Variants in INPP4B observed in about 807,000 individuals in gnomAD.
INPP4B encodes inositol polyphosphate-4-phosphatase type II B, also known as inositol polyphosphate 4-phosphatase type II.
A neutral mutation model predicts 122.5 loss-of-function variants in INPP4B; 55 were observed. The ratio of observed to expected loss-of-function variants is 0.45; its 90% confidence interval spans 0.36 to 0.56. The LOEUF (loss-of-function observed/expected upper bound fraction) is 0.56, where lower values mean the gene tolerates loss of function less well. Among genes scored for constraint, INPP4B ranks in the 20% least tolerant of loss-of-function variants. The probability of loss-of-function intolerance (pLI) is 0.00; values close to 1 mark genes in which losing one functional copy is unlikely to be tolerated. For missense variants in INPP4B, 1,000 were observed against 1,097.7 expected (o/e 0.91, Z 1.26); for synonymous variants, 403 against 388.7 (o/e 1.04, Z -0.43).
intron 2 of INPP4B, among the ~76,000 whole-genome samples, chr4:142,664,239 C>T (rs1174646849): frequency 6.6e-6 from 1 of 152,122 alleles, no homozygotes; most frequent in Non-Finnish European, 1.5e-5. Flanking sequence ...TAAGCCATGT[C>T]CCACACTGCC....
At chr4:142,083,604 A>G (rs1220829923) in intron 24 of INPP4B, among the ~76,000 whole-genome samples, 1 of 152,212 alleles carries the variant, frequency 6.6e-6, no homozygotes, top group Non-Finnish European at 1.5e-5. Flanking sequence ...AGAAGGTAAA[A>G]TAATATAGCT....
chr4:142,224,827 A>G (rs1424703226), intron 12 of INPP4B, among the ~76,000 whole-genome samples: 1 of 152,152 alleles, frequency 6.6e-6, no homozygotes, highest in Non-Finnish European at 1.5e-5. Flanking sequence ...AATCTAGTAT[A>G]CATACAACAT....
chr4:142,481,729 C>A (rs765396437), intron 2 of INPP4B, among the ~76,000 whole-genome samples: 33 of 152,104 alleles, frequency 2.2e-4, no homozygotes, highest in Non-Finnish European at 3.4e-4. Context: ...CTGGAGCTCA[C>A]TTTTTCAGTG....
At chr4:142,573,526 CAT>C (rs1733264603) in intron 2 of INPP4B, among the ~76,000 whole-genome samples, 1 of 152,100 alleles carries the variant, frequency 6.6e-6, no homozygotes, top group Non-Finnish European at 1.5e-5. Flanking sequence ...CTGGCTCAGA[CAT>C]AAGTGATCTC....
intron 7 of INPP4B, chr4:142,317,241 G>T: frequency 3.1e-6 from 1 of 324,664 alleles, no homozygotes; most frequent in South Asian, 3.1e-5. Flanking sequence ...TTGAAATATG[G>T]CAGATTATGT....
intron 1 of INPP4B, among the ~76,000 whole-genome samples, chr4:142,732,235 T>C (rs1766205982): frequency 1.3e-5 from 2 of 152,258 alleles, no homozygotes; most frequent in South Asian, 4.1e-4. Flanking sequence ...GAGGCAATGG[T>C]TCCAGTTTAT....
At chr4:142,360,857 G>A (rs1785151494) in intron 7 of INPP4B, among the ~76,000 whole-genome samples, 1 of 151,926 alleles carries the variant, frequency 6.6e-6, no homozygotes, top group South Asian at 2.1e-4. Context: ...ACCTACCAAA[G>A]TGACTCAAAA....
intron 23 of INPP4B, among the ~76,000 whole-genome samples, chr4:142,088,150 G>T (rs911284623): frequency 6.6e-6 from 1 of 152,178 alleles, no homozygotes; most frequent in Non-Finnish European, 1.5e-5. Flanking sequence ...ACAGGACACA[G>T]CCCAAAGATA....
At chr4:142,555,382 T>C (rs6820285) in intron 2 of INPP4B, among the ~76,000 whole-genome samples, 4,500 of 152,242 alleles carry the variant, frequency 0.03, 214 homozygotes, top group African/African-American at 0.1. Flanking sequence ...AGAGCAGCTA[T>C]AGCATTGGAG....
chr4:142,685,866 T>A (rs1182077080), intron 2 of INPP4B, among the ~76,000 whole-genome samples: 1 of 152,132 alleles, frequency 6.6e-6, no homozygotes, highest in African/African-American at 2.4e-5. Flanking sequence ...TCTATAAAAA[T>A]TATACATGGC....
chr4:142,530,073 C>G (rs1204370928), intron 2 of INPP4B, among the ~76,000 whole-genome samples: 2 of 152,056 alleles, frequency 1.3e-5, no homozygotes, highest in Non-Finnish European at 2.9e-5. Context: ...ATACTACTGA[C>G]TACTACATAT....
chr4:142,832,095 G>A (rs186743965), intron 1 of INPP4B, among the ~76,000 whole-genome samples: 18 of 152,182 alleles, frequency 1.2e-4, no homozygotes, highest in African/African-American at 3.6e-4. Context: ...CAATTTCTAC[G>A]GATGGCTTTA....
At chr4:142,833,180 A>G (rs148953035) in intron 1 of INPP4B, among the ~76,000 whole-genome samples, 71 of 152,212 alleles carry the variant, frequency 4.7e-4, no homozygotes, top group African/African-American at 1.7e-3. Flanking sequence ...GAATAGACAT[A>G]GTTTGTTTAA....
At chr4:142,162,529 T>C (rs543235077) in intron 16 of INPP4B, among the ~76,000 whole-genome samples, 2 of 152,098 alleles carry the variant, frequency 1.3e-5, no homozygotes, top group Non-Finnish European at 2.9e-5. Flanking sequence ...TTTTGATTTA[T>C]TTTTTGAGCC....
chr4:142,551,180 C>A (rs1228531022), intron 2 of INPP4B, among the ~76,000 whole-genome samples: 2 of 152,198 alleles, frequency 1.3e-5, no homozygotes, highest in Non-Finnish European at 2.9e-5. Flanking sequence ...CTGGCAACAG[C>A]ATCCAATTTC....
intron 9 of INPP4B, among the ~76,000 whole-genome samples, chr4:142,276,407 T>C (rs1462501918): frequency 6.6e-6 from 1 of 151,876 alleles, no homozygotes; most frequent in Non-Finnish European, 1.5e-5. Context: ...CTCACACTGA[T>C]CCACCTCATC....
intron 3 of INPP4B, among the ~76,000 whole-genome samples, chr4:142,456,999 T>C (rs1296678516): frequency 2.0e-5 from 3 of 152,058 alleles, no homozygotes; most frequent in Admixed American, 2.0e-4. Context: ...AATACATGCA[T>C]ACATAATCAA....
At chr4:142,748,084 T>G (rs1405873105) in intron 1 of INPP4B, among the ~76,000 whole-genome samples, 1 of 152,038 alleles carries the variant, frequency 6.6e-6, no homozygotes, top group African/African-American at 2.4e-5. Context: ...TGAAATTAAC[T>G]TAAAAATCTA....
rs577897171 is a variant in INPP4B at position 142,511,771 on chromosome 4, A to C, written c.-190-49045T>G. ...AATGCTTTAAAAAATAGAAGTCTTCATAACAATTACCACTATAGGATAGAG... is the reference window on the plus strand; with the variant it reads ...AATGCTTTAAAAAATAGAAGTCTTCCTAACAATTACCACTATAGGATAGAG... On this transcript the variant is annotated intron_variant, in intron 2 of 25. Transcript: ENST00000262992. Among the ~76,000 whole-genome samples the C allele has an allele frequency of 2.6e-5, 4 of 152,306 alleles. No individual in the cohort carries two copies. In the East Asian group the frequency reaches 7.7e-4, roughly 29 times the overall value.
Sources: gnomAD v4.1 joint callset for allele counts (sites outside exome capture counted in the v4.1 genomes callset) on GRCh38, gnomAD v4.1.1 for gene constraint, MANE v1.5 for transcripts, NCBI Gene and HGNC (gene_info 2026-07-23, HGNC 2026-07-21) for gene names.